The following FARP1 variants were observed in gnomAD, a reference collection of about 807,000 sequenced individuals.
FARP1 encodes the protein FERM, ARH/RhoGEF and pleckstrin domain protein 1.
Under a neutral mutation model 128.8 loss-of-function variants are expected in FARP1, and 52 were observed. The observed-to-expected ratio is 0.40, with a 90% confidence interval of 0.32 to 0.51. FARP1 has a LOEUF of 0.51. Ranked by LOEUF, FARP1 falls within the 20% of genes least tolerant of loss-of-function variation. The pLI, the probability that FARP1 is intolerant of heterozygous loss-of-function variation, is 0.45. For synonymous variants in FARP1, 580 were observed against 551.8 expected (o/e 1.05, Z -0.72); for missense variants, 1,333 against 1,367.9 (o/e 0.97, Z 0.40).
At chr13:98,245,009 T>C in intron 2 of FARP1, 1 of 1,122,510 alleles carries the variant, frequency 8.9e-7, no homozygotes, top group Non-Finnish European at 1.1e-6. Context: ...TTCATTTCTA[T>C]TCCAGCCATA....
chr13:98,193,953 AT>A (rs1283863005), intron 1 of FARP1, among the ~76,000 whole-genome samples: 1 of 152,282 alleles, frequency 6.6e-6, no homozygotes, highest in East Asian at 1.9e-4. Context: ...CTACACAAAA[AT>A]TAATAGATTC....
At chr13:98,260,667 C>T (rs1334905902) in intron 2 of FARP1, among the ~76,000 whole-genome samples, 3 of 152,154 alleles carry the variant, frequency 2.0e-5, no homozygotes, top group East Asian at 3.9e-4. Context: ...TTTAGAGTTC[C>T]CTGATGCTTT....
At chr13:98,263,374 A>G (rs1883966713) in intron 2 of FARP1, among the ~76,000 whole-genome samples, 1 of 152,234 alleles carries the variant, frequency 6.6e-6, no homozygotes, top group East Asian at 1.9e-4. Flanking sequence ...GAAAGCTAGG[A>G]AGGTGGAATG....
chr13:98,409,106 C>CT (rs966555080), intron 13 of FARP1, among the ~76,000 whole-genome samples: 10 of 152,206 alleles, frequency 6.6e-5, no homozygotes, highest in African/African-American at 2.4e-4. Flanking sequence ...GCAGAGTTCT[C>CT]TATCTTATCA....
rs756745734 is a variant in FARP1, at chr13:98,450,898, G to A, written c.*2581G>A. ...CTACAGAAAGTAACAGCCCAGGAGAGAATGTACACAGAGGCGAGCTTTCTA... is the reference window on the plus strand; with the variant it reads ...CTACAGAAAGTAACAGCCCAGGAGAAAATGTACACAGAGGCGAGCTTTCTA... On this transcript the variant is annotated 3_prime_UTR_variant, in exon 27 of 27. Coordinates refer to ENST00000319562, the MANE Select transcript of FARP1 (RefSeq NM_005766.4). The A allele has an allele frequency of 2.0e-5, 3 of 152,192 alleles. No individual in the cohort carries two copies. The highest frequency in any genetic ancestry group is 6.5e-5 in the Admixed American group (1 of 15,284). 9.4% of individuals were successfully genotyped at this position (152,192 alleles called of 1,614,324 possible).
At position 98,449,555 on chromosome 13, in the gene FARP1, T is replaced by C. The variant is rs773110128; in HGVS notation, c.*1238T>C. ...CCATTCTTTCCAGCGCCCCGCACCA[T>C]AGCACCTGCCCACCTGAGAACCAGG... On this transcript the variant is annotated 3_prime_UTR_variant, in exon 27 of 27. Coordinates refer to ENST00000319562, the MANE Select transcript of FARP1 (RefSeq NM_005766.4). 8 of 152,660 alleles carry C rather than the reference T, an allele frequency of 5.2e-5. No homozygotes were observed. The East Asian group carries it at 5.8e-4, about 11-fold the overall frequency. 9.5% of individuals were successfully genotyped at this position (152,660 alleles called of 1,614,324 possible). A position where few individuals can be genotyped will look rare whatever the true frequency, so the allele number is the denominator to read the frequency against.
At chr13:98,170,932 T>C (rs749456084) in intron 1 of FARP1, among the ~76,000 whole-genome samples, 19 of 151,652 alleles carry the variant, frequency 1.3e-4, no homozygotes, top group South Asian at 4.1e-4. Flanking sequence ...TGCACATGGA[T>C]GGGGCTTGTC....
chr13:98,422,836 G>A (rs1162872600), intron 16 of FARP1, among the ~76,000 whole-genome samples: 1 of 152,136 alleles, frequency 6.6e-6, no homozygotes, highest in Non-Finnish European at 1.5e-5. Flanking sequence ...TTGCCGGAGG[G>A]TTCTTAGCCA....
chr13:98,224,541 A>AG (rs1424230756), intron 2 of FARP1, among the ~76,000 whole-genome samples: 6 of 29,724 alleles, frequency 2.0e-4, no homozygotes, highest in Admixed American at 4.1e-4. Flanking sequence ...AAAAAAAAAA[A>AG]AAAAGAAAAA....
intron 2 of FARP1, among the ~76,000 whole-genome samples, chr13:98,292,224 G>A (rs1328836702): frequency 3.3e-5 from 5 of 152,206 alleles, no homozygotes; most frequent in Admixed American, 1.3e-4. Flanking sequence ...TGGAGGGAGT[G>A]TAAGACCCAC....
At chr13:98,298,833 C>T (rs1885807666) in intron 2 of FARP1, among the ~76,000 whole-genome samples, 1 of 152,126 alleles carries the variant, frequency 6.6e-6, no homozygotes, top group Non-Finnish European at 1.5e-5. Flanking sequence ...TAGTATGTTT[C>T]TTGCTGTAAA....
intron 2 of FARP1, among the ~76,000 whole-genome samples, chr13:98,243,941 A>G (rs1212864286): frequency 1.3e-5 from 2 of 152,190 alleles, no homozygotes; most frequent in Admixed American, 6.5e-5. Context: ...TGTGAAACTC[A>G]TAGTGCTATT....
chr13:98,242,524 T>A (rs1172705307), intron 2 of FARP1, among the ~76,000 whole-genome samples: 1 of 151,844 alleles, frequency 6.6e-6, no homozygotes, highest in Admixed American at 6.6e-5. Context: ...AAAGAAAATT[T>A]AAAAGGTAGC....
At chr13:98,356,797 G>A (rs764205735) in intron 3 of FARP1, among the ~76,000 whole-genome samples, 19 of 151,772 alleles carry the variant, frequency 1.3e-4, no homozygotes, top group Non-Finnish European at 2.4e-4. Context: ...ACCACGCCCG[G>A]CTAATTTTTG....
intron 2 of FARP1, among the ~76,000 whole-genome samples, chr13:98,261,246 C>T (rs1195469667): frequency 2.0e-5 from 3 of 152,232 alleles, no homozygotes; most frequent in Non-Finnish European, 4.4e-5. Context: ...CAGGCTCCCA[C>T]AGAGAAGTGC....
chr13:98,179,097 C>G (rs9556892), intron 1 of FARP1, among the ~76,000 whole-genome samples: 14,451 of 152,182 alleles, frequency 0.095, 1,502 homozygotes, highest in East Asian at 0.6. Flanking sequence ...AAAGACACAC[C>G]TGAGACTGGG....
intron 1 of FARP1, among the ~76,000 whole-genome samples, chr13:98,152,188 C>T (rs544691659): frequency 3.7e-4 from 56 of 152,262 alleles, no homozygotes; most frequent in African/African-American, 1.3e-3. Context: ...TGCTGCCCCT[C>T]GGCATGTTGA....
At chr13:98,311,802 A>C (rs983797707) in intron 2 of FARP1, among the ~76,000 whole-genome samples, 1 of 152,136 alleles carries the variant, frequency 6.6e-6, no homozygotes, top group Non-Finnish European at 1.5e-5. Context: ...GCCTGCCTGC[A>C]ATGTAACTGC....
intron 2 of FARP1, among the ~76,000 whole-genome samples, chr13:98,316,513 G>A (rs1283677514): frequency 6.6e-6 from 1 of 152,164 alleles, no homozygotes; most frequent in Non-Finnish European, 1.5e-5. Context: ...CACAGGACCC[G>A]GAGCCCCCTC....
Sources: gnomAD v4.1 joint callset for allele counts (sites outside exome capture counted in the v4.1 genomes callset) on GRCh38, gnomAD v4.1.1 for gene constraint, MANE v1.5 for transcripts, NCBI Gene and HGNC (gene_info 2026-07-23, HGNC 2026-07-21) for gene names.